The following ATRX variants were observed in gnomAD, a reference collection of about 807,000 sequenced individuals.
ATRX encodes chromatin remodeler ATRX.
ATRX carries 12 observed loss-of-function variants against 172.6 expected under a neutral mutation model. That is an observed-to-expected ratio of 0.07 (90% CI 0.04 to 0.11). The LOEUF (loss-of-function observed/expected upper bound fraction) is 0.11. Ranked by LOEUF, ATRX falls within the 10% of genes least tolerant of loss-of-function variation. The pLI is 1.00. For synonymous variants in ATRX, 674 were observed against 594.7 expected, an observed-to-expected ratio of 1.13 and a Z score of -1.94; for missense variants, 1,368 against 1,767.4, an observed-to-expected ratio of 0.77 and a Z score of 4.05.
intron 30 of ATRX, among the ~76,000 whole-genome samples, chrX:77,544,894 G>C (rs1295519498): frequency 9.1e-6 from 1 of 110,425 alleles, no homozygotes; most frequent in Admixed American, 9.7e-5. Context: ...CTAATATCCA[G>C]AATCTACAAT....
intron 22 of ATRX, among the ~76,000 whole-genome samples, chrX:77,605,997 G>C (rs781999963): frequency 1.8e-5 from 2 of 111,416 alleles, no homozygotes; most frequent in South Asian, 7.6e-4. Context: ...GGAAAACCTA[G>C]AAGAAATGGA....
At chrX:77,715,648 G>A (rs1385346538) in intron 2 of ATRX, among the ~76,000 whole-genome samples, 1 of 110,885 alleles carries the variant, frequency 9.0e-6, no homozygotes, top group Non-Finnish European at 1.9e-5. Flanking sequence ...TTTTTCTCTC[G>A]GTTTATGTTC....
chrX:77,607,230 G>A (rs1177023221), intron 22 of ATRX, among the ~76,000 whole-genome samples: 2 of 111,149 alleles, frequency 1.8e-5, no homozygotes, highest in African/African-American at 6.5e-5. Context: ...TTATATTTGG[G>A]AAAGAAAAAA....
chrX:77,734,238 T>C (rs923501597), intron 1 of ATRX, among the ~76,000 whole-genome samples: 1 of 105,466 alleles, frequency 9.5e-6, no homozygotes, highest in Non-Finnish European at 1.9e-5. Context: ...CATACATACA[T>C]ACATACATAC....
intron 1 of ATRX, among the ~76,000 whole-genome samples, chrX:77,778,029 G>A (rs1464439227): frequency 2.8e-5 from 3 of 107,492 alleles, no homozygotes; most frequent in African/African-American, 6.8e-5. Context: ...CCAGCTACTC[G>A]GAGGCTGAGG....
intron 27 of ATRX, among the ~76,000 whole-genome samples, chrX:77,589,441 T>C (rs1450740179): frequency 8.9e-6 from 1 of 111,869 alleles, no homozygotes; most frequent in Non-Finnish European, 1.9e-5. Flanking sequence ...TAAAACTGCT[T>C]TAGAAACCAA....
At chrX:77,615,535 C>T (rs782410045) in intron 22 of ATRX, among the ~76,000 whole-genome samples, 23 of 111,236 alleles carry the variant, frequency 2.1e-4, no homozygotes, top group African/African-American at 6.9e-4. Flanking sequence ...TTTTATTATT[C>T]AAAACAGAAT....
At chrX:77,747,210 G>A (rs2075116901) in intron 1 of ATRX, among the ~76,000 whole-genome samples, 1 of 111,620 alleles carries the variant, frequency 9.0e-6, no homozygotes, top group Non-Finnish European at 1.9e-5. Context: ...AACCTCTTCT[G>A]GAACTGACAT....
chrX:77,637,331 A>AGT (rs1206221252), intron 15 of ATRX, among the ~76,000 whole-genome samples: 1 of 111,464 alleles, frequency 9.0e-6, no homozygotes, highest in African/African-American at 3.3e-5. Context: ...ACAGGTAACA[A>AGT]GTGTGTGTGT....
chrX:77,567,114 T>TA (rs1251694182), intron 28 of ATRX, among the ~76,000 whole-genome samples: 2 of 108,827 alleles, frequency 1.8e-5, no homozygotes, highest in South Asian at 3.9e-4. Context: ...AGAGAAACAC[T>TA]AAAAAAAACT....
At chrX:77,527,421 T>G (rs1478056111) in intron 30 of ATRX, among the ~76,000 whole-genome samples, 2 of 111,928 alleles carry the variant, frequency 1.8e-5, no homozygotes, top group Non-Finnish European at 3.8e-5. Flanking sequence ...GGGGAGGCAG[T>G]GAGTGATTGT....
At chrX:77,633,748 T>A (rs782648544) in intron 17 of ATRX, 36 bp from the exon 18 acceptor site, 10 of 1,167,549 alleles carry the variant, frequency 8.6e-6, no homozygotes, top group Middle Eastern at 2.3e-4. Context: ...CGTTTAAATA[T>A]CCACAAAAAA....
intron 21 of ATRX, among the ~76,000 whole-genome samples, chrX:77,618,050 T>A (rs994026787): frequency 1.9e-4 from 21 of 111,607 alleles, no homozygotes; most frequent in Admixed American, 1.4e-3. Context: ...GTACCTAGCC[T>A]CTGTCCATTT....
intron 28 of ATRX, among the ~76,000 whole-genome samples, chrX:77,560,694 A>C (rs941168303): frequency 4.5e-5 from 5 of 111,521 alleles, no homozygotes; most frequent in African/African-American, 1.3e-4. Flanking sequence ...GATGGGAAAA[A>C]GTTTACAATT....
Position 77,520,172 on chromosome X carries a change from G to A in ATRX, c.7200+616C>T, listed in dbSNP as rs6652778. 8.1e-3 allele frequency among the ~76,000 whole-genome samples: 906 copies of A among 111,291 alleles called. 13 individuals carry two copies. The highest frequency in any genetic ancestry group is 0.028 in the African/African-American group (870 of 30,691). ...TACCAGAGGCTGAGAAGGGTAGCAG[G>A]GAGTGGGGTAATGGGGGATGGTTAA... On this transcript the variant is annotated intron_variant, in intron 34 of 34. Coordinates refer to ENST00000373344, the MANE Select transcript of ATRX (RefSeq NM_000489.6).
rs782029530 is a variant in ATRX at position 77,712,795 on chromosome X, C to CT, written c.133+4335dup. 6.3e-5 allele frequency among the ~76,000 whole-genome samples: 7 copies of CT among 110,562 alleles called. No individual in the cohort carries two copies. In the South Asian group the frequency reaches 2.7e-3, roughly 42 times the overall value. On this transcript the variant is annotated intron_variant, in intron 2 of 34. Transcript: ENST00000373344. ...AGTGAGCTGAGATGGCGCCACTGCA[C>CT]TCCAGCCTGTGTGACACAGCGAGAC...
At position 77,681,804 on chromosome X, in the gene ATRX, C is replaced by G. The variant is rs782073135; in HGVS notation, c.3452G>C (p.Ser1151Thr). The G allele has an allele frequency of 3.3e-6, 4 of 1,197,709 alleles. No individual in the cohort carries two copies. The highest frequency in any genetic ancestry group is 1.9e-5 in the South Asian group (1 of 53,596). ...SSKRNTKEIQ[S>T]GSSSSDAEES... ...CTCAGCATCAGATGATGATGAGCCA[C>G]TTTGTATTTCCTTAGTATTTCTCTT... The change falls in exon 9 of 35, where the codon AGT (serine) becomes ACT (threonine). Residue 1151 changes from serine (S) to threonine (T), a missense_variant. Ser to Thr is a moderately conservative substitution (Grantham distance 58, BLOSUM62 1). Coordinates refer to ENST00000373344, the MANE Select transcript of ATRX (RefSeq NM_000489.6).
chrX:77,569,693 A>G (rs2065337363), intron 28 of ATRX, among the ~76,000 whole-genome samples: 1 of 112,001 alleles, frequency 8.9e-6, no homozygotes, highest in Non-Finnish European at 1.9e-5. Context: ...AATCTAACAA[A>G]AGATCTACAG....
chrX:77,605,391 G>A (rs1487390502), intron 22 of ATRX, among the ~76,000 whole-genome samples: 1 of 111,066 alleles, frequency 9.0e-6, no homozygotes, highest in East Asian at 2.8e-4. Context: ...TCGCACCACT[G>A]CACTCCAGCC....
Sources: allele counts gnomAD v4.1 joint callset (sites outside exome capture counted in the v4.1 genomes callset), GRCh38; gene constraint gnomAD v4.1.1; transcripts MANE v1.5; gene names NCBI Gene and HGNC (gene_info 2026-07-23, HGNC 2026-07-21).